Variants in SORBS3 observed in about 807,000 individuals in gnomAD.
SORBS3 encodes sorbin and SH3 domain containing 3.
In SORBS3, 69 loss-of-function variants were observed where a neutral mutation model predicts 98.0. That is an observed-to-expected ratio of 0.70 (90% CI 0.58 to 0.86). The LOEUF is 0.86. Among genes scored for constraint, SORBS3 ranks in the 40% least tolerant of loss-of-function variants. The pLI is 0.00. For synonymous variants in SORBS3, 394 were observed against 355.4 expected, an observed-to-expected ratio of 1.11 and a Z score of -1.22; for missense variants, 954 against 908.5, an observed-to-expected ratio of 1.05 and a Z score of -0.64.
intron 16 of SORBS3, among the ~76,000 whole-genome samples, chr8:22,568,383 T>C (rs1172932411): frequency 6.6e-6 from 1 of 152,238 alleles, no homozygotes; most frequent in Non-Finnish European, 1.5e-5. Context: ...TGAAACATTT[T>C]TCCCTAGAAT....
rs201189778 is a variant in SORBS3 at position 22,571,171 on chromosome 8, C to T, written c.1693C>T (p.Arg565Cys). The T allele has an allele frequency of 1.8e-5, 29 of 1,581,714 alleles. No individual in the cohort carries two copies. In the Admixed American group the frequency reaches 2.0e-4, roughly 11 times the overall value. The stretch of plus-strand genomic sequence containing the variant: ...CGACTTGGGGGGACAGACCTCCCCC[C>T]GTCGCACTGGCTTCTCCTTCCCCAC... The part of the protein sequence containing the change: ...PIDLGGQTSP[R>C]RTGFSFPTQE... Residue 565 changes from arginine to cysteine, a missense_variant, in exon 18 of 21, where the codon CGT becomes TGT. By Grantham distance (180) the Arg-to-Cys change is radical. Transcript: ENST00000240123.
upstream of SORBS3, among the ~76,000 whole-genome samples, chr8:22,547,062 A>G (rs1364059035): frequency 6.6e-6 from 1 of 152,174 alleles, no homozygotes; most frequent in Non-Finnish European, 1.5e-5. Context: ...CAGGCCAGAA[A>G]ACGGGCCCAG....
chr8:22,552,623 C>T (rs534011953), intron 1 of SORBS3, among the ~76,000 whole-genome samples: 1 of 152,180 alleles, frequency 6.6e-6, no homozygotes, highest in South Asian at 2.1e-4. Flanking sequence ...CCTACCCATC[C>T]TCCAAGAGAG....
At chr8:22,573,538 C>T (rs542872458) in intron 20 of SORBS3, 6 of 410,744 alleles carry the variant, frequency 1.5e-5, no homozygotes, top group African/African-American at 8.3e-5. Context: ...CCACAGGTGG[C>T]GAGTGGTGCC....
intron 16 of SORBS3, among the ~76,000 whole-genome samples, chr8:22,567,989 A>G (rs559448410): frequency 6.6e-6 from 1 of 152,116 alleles, no homozygotes; most frequent in Non-Finnish European, 1.5e-5. Flanking sequence ...CTGGGACTAC[A>G]GGAATGCGCC....
At chr8:22,566,757 G>T in intron 14 of SORBS3, 44 bp downstream of exon 14, 1 of 1,613,500 alleles carries the variant, frequency 6.2e-7, no homozygotes, top group Non-Finnish European at 8.5e-7. Context: ...TGGTCCCAAG[G>T]CTGCCATCCT....
At position 22,554,782 on chromosome 8, in the gene SORBS3, G is replaced by C. The variant is rs894783830; in HGVS notation, c.103-81G>C. On this transcript the variant is annotated intron_variant, in intron 2 of 20. Coordinates refer to ENST00000240123, the MANE Select transcript of SORBS3 (RefSeq NM_005775.5). This position sits in a 1 kb window ranked among gnomAD's most constrained non-coding sequence, Gnocchi z 6.5. ...AGGCGGGCCTGGGACTGTCACCGAGGGGTGTGGGCTGTGCCTAGTAGCCAT... is the reference window on the plus strand; with the variant it reads ...AGGCGGGCCTGGGACTGTCACCGAGCGGTGTGGGCTGTGCCTAGTAGCCAT... 6.9e-7 allele frequency: 1 copy of C among 1,445,230 alleles called. No individual in the cohort carries two copies. Among genetic ancestry groups the C allele is most frequent in the Non-Finnish European group, 9.5e-7 (1 of 1,051,320 alleles). 89.5% of individuals were successfully genotyped at this position (1,445,230 alleles called of 1,614,324 possible). A position where few individuals can be genotyped will look rare whatever the true frequency, so the allele number is the denominator to read the frequency against.
At chr8:22,557,526 C>T (rs1180875566) in intron 4 of SORBS3, among the ~76,000 whole-genome samples, 1 of 152,056 alleles carries the variant, frequency 6.6e-6, no homozygotes, top group East Asian at 1.9e-4. Context: ...CATTTTTGGC[C>T]CAGGTGCAGT....
rs750155598 is a variant in SORBS3 at position 22,564,572 on chromosome 8, A to G, written c.816+51A>G. ...AGCAGCCTGATAAACCAGGGAGATT[A>G]GGGTTTTGGTGGCCCCAGTAACCAT... On this transcript the variant is annotated intron_variant, in intron 10 of 20. Transcript: ENST00000240123. 7 of 1,608,932 alleles carry G rather than the reference A, an allele frequency of 4.4e-6. No homozygotes were observed. In the Admixed American group the frequency reaches 5.0e-5, roughly 12 times the overall value.
In SORBS3 at chr8:22,575,030, C is replaced by T; in HGVS notation, c.*302C>T. The T allele has an allele frequency of 1.8e-6, 1 of 558,334 alleles. No individual in the cohort carries two copies. Among genetic ancestry groups the T allele is most frequent in the Non-Finnish European group, 3.4e-6 (1 of 293,670 alleles). The allele number at this position is 558,334 out of a possible 1,614,324, so 34.6% of individuals were successfully genotyped here. A position where few individuals can be genotyped will look rare whatever the true frequency, so the allele number is the denominator to read the frequency against. Reference sequence around the variant, plus strand: ...GCCTTATTGAGACCAGACCCCAAGTCCCCCACCCCCATCCTGCTCCAGCGT... The same window carrying T: ...GCCTTATTGAGACCAGACCCCAAGTTCCCCACCCCCATCCTGCTCCAGCGT... On this transcript the variant is annotated 3_prime_UTR_variant, in exon 21 of 21. Transcript: ENST00000240123.
chr8:22,565,162 C>G, intron 10 of SORBS3, 106 bp from the exon 11 acceptor site: 2 of 1,480,478 alleles, frequency 1.4e-6, no homozygotes, highest in East Asian at 5.1e-5. Context: ...CCTGCCCTTA[C>G]GCCGGCCCGG....
upstream of SORBS3, among the ~76,000 whole-genome samples, chr8:22,547,841 G>A (rs988654378): frequency 6.6e-6 from 1 of 152,234 alleles, no homozygotes; most frequent in Non-Finnish European, 1.5e-5. Flanking sequence ...GAGGAAGAGA[G>A]AACAGCCGTG....
At chr8:22,559,510 G>A (rs1291633767) in intron 5 of SORBS3, among the ~76,000 whole-genome samples, 1 of 152,118 alleles carries the variant, frequency 6.6e-6, no homozygotes, top group African/African-American at 2.4e-5. Context: ...AGACCAGCCT[G>A]GGCAACATGG....
At chr8:22,562,485 G>A (rs1232577415) in intron 7 of SORBS3, among the ~76,000 whole-genome samples, 1 of 152,224 alleles carries the variant, frequency 6.6e-6, no homozygotes, top group Non-Finnish European at 1.5e-5. Flanking sequence ...ACCACCGTGG[G>A]AATCAGGATC....
chr8:22,560,388 GC>G (rs1031470139), intron 5 of SORBS3, among the ~76,000 whole-genome samples: 1 of 152,140 alleles, frequency 6.6e-6, no homozygotes, highest in Non-Finnish European at 1.5e-5. Flanking sequence ...CCAGGACTGA[GC>G]CCCCACGCAC....
chr8:22,555,653 C>G lies in SORBS3; in HGVS notation c.220+673C>G, dbSNP rs1840169678. Among the ~76,000 whole-genome samples, 5 of 152,212 alleles carry G rather than the reference C, an allele frequency of 3.3e-5. No individual in the cohort carries two copies. The South Asian group carries it at 1.0e-3, about 32-fold the overall frequency. On this transcript the variant is annotated intron_variant, in intron 3 of 20. Transcript: ENST00000240123. ...ATGACCTGAGGTCAGGAGTTCGAGA[C>G]CAGCCTGGCCAACATGGTGAAACCC...
chr8:22,550,557 T>G (rs1840064917), upstream of SORBS3, among the ~76,000 whole-genome samples: 1 of 152,150 alleles, frequency 6.6e-6, no homozygotes, highest in African/African-American at 2.4e-5. Flanking sequence ...CTTTCACATG[T>G]GATGTTTCAA....
intron 4 of SORBS3, 32 bp downstream of exon 4, chr8:22,556,940 G>A: frequency 6.2e-7 from 1 of 1,607,862 alleles, no homozygotes. Context: ...ACGGAGAGAT[G>A]GGGCCCAGGG....
Position 22,561,895 on chromosome 8 carries a change from CTGCCCACAGGCCCG to C in SORBS3, c.549_562del (p.Ala184ProfsTer14). 22 of 1,614,226 alleles carry C rather than the reference CTGCCCACAGGCCCG, an allele frequency of 1.4e-5. No homozygotes were observed. The highest frequency in any genetic ancestry group is 1.9e-5 in the Non-Finnish European group (22 of 1,180,026). On this transcript the variant is annotated frameshift_variant, in exon 7 of 21. Coordinates refer to ENST00000240123, the MANE Select transcript of SORBS3 (RefSeq NM_005775.5). LOFTEE classifies it high-confidence loss of function. ...AGGCATCTAGGAGCCCAGCAAAGAC[CTGCCCACAGGCCCG>C]GCCCGGCAACATCTTCCAGTGGGTG...
Sources: gnomAD v4.1 joint callset for allele counts (sites outside exome capture counted in the v4.1 genomes callset) on GRCh38, gnomAD v4.1.1 for gene constraint, Gnocchi (gnomAD v3.1) non-coding constraint, MANE v1.5 for transcripts, NCBI Gene and HGNC (gene_info 2026-07-23, HGNC 2026-07-21) for gene names.